The following RABEP1 variants were observed in gnomAD, a reference collection of about 807,000 sequenced individuals.
The protein encoded by RABEP1 is rabaptin, RAB GTPase binding effector protein 1.
Under a neutral mutation model 123.4 loss-of-function variants are expected in RABEP1, and 51 were observed. The ratio of observed to expected loss-of-function variants is 0.41; its 90% CI spans 0.33 to 0.52. The LOEUF is 0.52. Among genes scored for constraint, RABEP1 ranks in the 20% least tolerant of loss-of-function variants. RABEP1 has a pLI of 0.16. For missense variants in RABEP1, 888 were observed against 996.3 expected (o/e 0.89, Z 1.46); for synonymous variants, 347 against 355.2 (o/e 0.98, Z 0.26).
chr17:5,298,944 T>C (rs754576824), intron 1 of RABEP1, among the ~76,000 whole-genome samples: 18 of 152,214 alleles, frequency 1.2e-4, no homozygotes, highest in Non-Finnish European at 2.4e-4. Context: ...CGTGAGCCAC[T>C]GTGCCCGGCC....
intron 10 of RABEP1, 34 bp from the exon 11 acceptor site, chr17:5,365,088 C>A: frequency 1.5e-6 from 2 of 1,344,418 alleles, no homozygotes; most frequent in Non-Finnish European, 2.0e-6. Flanking sequence ...TAAAAGGATT[C>A]TGGTTTTTCT....
At chr17:5,374,355 C>T (rs1474543051) in intron 13 of RABEP1, among the ~76,000 whole-genome samples, 2 of 151,990 alleles carry the variant, frequency 1.3e-5, no homozygotes, top group East Asian at 1.9e-4. Context: ...TTACATTCTT[C>T]TGTGGTTGGG....
At chr17:5,367,690 T>A (rs920119181) in intron 11 of RABEP1, among the ~76,000 whole-genome samples, 1 of 151,326 alleles carries the variant, frequency 6.6e-6, no homozygotes, top group African/African-American at 2.4e-5. Flanking sequence ...TCTGTTCAGT[T>A]GGTCTGTTTG....
intron 17 of RABEP1, 23 bp downstream of exon 17, chr17:5,381,528 T>C (rs1425675151): frequency 1.9e-6 from 3 of 1,607,214 alleles, no homozygotes; most frequent in Admixed American, 3.4e-5. Context: ...GGGAACCACA[T>C]ACAGAGCACG....
At chr17:5,285,768 G>A (rs1303070005) in intron 1 of RABEP1, among the ~76,000 whole-genome samples, 2 of 152,094 alleles carry the variant, frequency 1.3e-5, no homozygotes, top group Non-Finnish European at 2.9e-5. Context: ...TTAAGTGGGG[G>A]AGCAGGATTC....
Position 5,368,373 on chromosome 17 carries a change from T to C in RABEP1, c.1789T>C (p.Ser597Pro). 6.2e-7 allele frequency: 1 copy of C among 1,609,094 alleles called. No homozygotes were observed. Among genetic ancestry groups the C allele is most frequent in the South Asian group, 1.1e-5 (1 of 90,516 alleles). The change falls in exon 12 of 18, where the codon TCT becomes CCT. Residue 597 changes from serine (S) to proline (P), a missense_variant. Coordinates refer to ENST00000537505, the MANE Select transcript of RABEP1 (RefSeq NM_004703.6). ...CTATACATGTGTTTTTTTAAAGATC[T>C]CTGCACTCGTCCTAAGAGCCCAGGC... ...QSSEDSSHQI[S>P]ALVLRAQASE...
intron 1 of RABEP1, among the ~76,000 whole-genome samples, chr17:5,307,749 G>A (rs189682824): frequency 2.0e-5 from 3 of 152,244 alleles, no homozygotes; most frequent in East Asian, 3.9e-4. Flanking sequence ...CCAAATTATA[G>A]AGTCCATAAA....
chr17:5,323,084 AAACAAC>A (rs1054806229), intron 2 of RABEP1, among the ~76,000 whole-genome samples: 42 of 152,188 alleles, frequency 2.8e-4, no homozygotes, highest in African/African-American at 9.4e-4. Context: ...CAAAAAAAAC[AAACAAC>A]AACAACAACA....
At chr17:5,366,855 C>T (rs374891634) in intron 11 of RABEP1, among the ~76,000 whole-genome samples, 23 of 151,550 alleles carry the variant, frequency 1.5e-4, no homozygotes, top group South Asian at 4.2e-4. Flanking sequence ...TTTGGGAGGC[C>T]GAGGCGGGCA....
At chr17:5,350,692 C>A in intron 7 of RABEP1, 63 bp downstream of exon 7, 1 of 1,544,474 alleles carries the variant, frequency 6.5e-7, no homozygotes, top group Non-Finnish European at 8.9e-7. Flanking sequence ...CATGTGATTG[C>A]ATTACCTTAT....
chr17:5,323,163 A>G (rs1037981202), intron 2 of RABEP1, among the ~76,000 whole-genome samples: 2 of 152,216 alleles, frequency 1.3e-5, no homozygotes, highest in Non-Finnish European at 2.9e-5. Flanking sequence ...GCACCTCTTT[A>G]TGATACAAAC....
At position 5,383,977 on chromosome 17, in the gene RABEP1, AG is replaced by A. The variant is rs55741020; in HGVS notation, c.*757del. On this transcript the variant is annotated 3_prime_UTR_variant, in exon 18 of 18. Coordinates refer to ENST00000537505, the MANE Select transcript of RABEP1 (RefSeq NM_004703.6). ...ACTTAGATGATCTTCATGGGCCCAC[AG>A]GGTACCAGGATAAAGCCGAACTGGT... 101,198 of 220,022 alleles carry A rather than the reference AG, an allele frequency of 0.46. 24,999 individuals carry two copies. Among genetic ancestry groups the A allele is most frequent in the East Asian group, 0.84 (12,467 of 14,844 alleles). The allele number at this position is 220,022 out of a possible 1,614,324, so 13.6% of individuals were successfully genotyped here.
In RABEP1 at chr17:5,362,959, C is replaced by T. The variant is rs1307481663; in HGVS notation, c.1611C>T (p.Ser537=). ...TTGGTAGACGTTGTGATATGTGTTC[C>T]AATTACGAAAAACAGTTACAAGGAA... ...NKLGRRCDMC[S]NYEKQLQGIQ... Residue 537 remains serine, a synonymous_variant, in exon 10 of 18, where the codon TCC becomes TCT. Coordinates refer to ENST00000537505, the MANE Select transcript of RABEP1 (RefSeq NM_004703.6). 1.9e-6 allele frequency: 3 copies of T among 1,613,916 alleles called. No individual in the cohort carries two copies. The highest frequency in any genetic ancestry group is 2.5e-6 in the Non-Finnish European group (3 of 1,179,872).
chr17:5,381,278 C>CG, intron 16 of RABEP1, 111 bp from the exon 17 acceptor site: 1 of 1,479,170 alleles, frequency 6.8e-7, no homozygotes, highest in East Asian at 2.4e-5. Context: ...AGGAGTGCGA[C>CG]GGATATCCAC....
intron 3 of RABEP1, among the ~76,000 whole-genome samples, chr17:5,332,590 TTTAGAA>T (rs1202250327): frequency 1.4e-5 from 2 of 139,488 alleles, no homozygotes; most frequent in Non-Finnish European, 3.0e-5. Context: ...GGCCATACGT[TTTAGAA>T]TTTTTTTTTT....
At chr17:5,307,269 G>T (rs1311927599) in intron 1 of RABEP1, among the ~76,000 whole-genome samples, 4 of 152,244 alleles carry the variant, frequency 2.6e-5, no homozygotes, top group Non-Finnish European at 5.9e-5. Context: ...GGTGAGCCGA[G>T]ATCGCCCCAC....
chr17:5,347,073 G>C, intron 6 of RABEP1, 148 bp downstream of exon 6: 1 of 669,590 alleles, frequency 1.5e-6, no homozygotes. Flanking sequence ...ATGTACTCAT[G>C]CAAAGCTGAA....
intron 14 of RABEP1, 103 bp from the exon 15 acceptor site, chr17:5,378,074 C>A: frequency 3.7e-6 from 3 of 817,626 alleles, no homozygotes; most frequent in Non-Finnish European, 5.8e-6. Flanking sequence ...CCATGTTCAG[C>A]ATACATTTGA....
At chr17:5,336,284 T>G (rs1458696513) in intron 4 of RABEP1, among the ~76,000 whole-genome samples, 1 of 152,178 alleles carries the variant, frequency 6.6e-6, no homozygotes, top group Non-Finnish European at 1.5e-5. Flanking sequence ...TAGAACTGTT[T>G]TTGATTATCT....
Sources: allele counts gnomAD v4.1 joint callset (sites outside exome capture counted in the v4.1 genomes callset), GRCh38; gene constraint gnomAD v4.1.1; transcripts MANE v1.5; gene names NCBI Gene and HGNC (gene_info 2026-07-23, HGNC 2026-07-21).